CLU: variants seen among roughly 807,000 people sequenced by gnomAD.
The protein encoded by CLU is aging-associated protein 4.
In CLU, 25 loss-of-function variants were observed where a neutral mutation model predicts 46.4. The ratio of observed to expected loss-of-function variants is 0.54; its 90% CI spans 0.39 to 0.75. CLU has a LOEUF of 0.75. Ranked by LOEUF, CLU falls within the 30% of genes least tolerant of loss-of-function variation. CLU has a pLI of 0.00. For synonymous variants in CLU, 235 were observed against 235.1 expected (o/e 1.00, Z 0.00); for missense variants, 504 against 592.1 (o/e 0.85, Z 1.54).
Position 27,610,510 on chromosome 8 carries a change from A to C in CLU, c.62T>G (p.Leu21Arg), listed in dbSNP as rs748503484. 8.1e-6 allele frequency: 13 copies of C among 1,614,216 alleles called. No individual in the cohort carries two copies. The highest frequency in any genetic ancestry group is 1.1e-5 in the Non-Finnish European group (13 of 1,180,002). Reference sequence around the variant, plus strand: ...ATTGTCTGAGACCGTCTGGTCCCCCAGGACCTGCCCACTCTCCCAGGTCAG... The same window carrying C: ...ATTGTCTGAGACCGTCTGGTCCCCCCGGACCTGCCCACTCTCCCAGGTCAG... ...LLLTWESGQV[L>R]GDQTVSDNEL... Residue 21 changes from leucine (L) to arginine (R), a missense_variant, in exon 2 of 9, where the codon CTG becomes CGG. Coordinates refer to ENST00000316403, the MANE Select transcript of CLU (RefSeq NM_001831.4).
intron 6 of CLU, among the ~76,000 whole-genome samples, chr8:27,603,078 C>A (rs746961097): frequency 1.3e-5 from 2 of 152,150 alleles, no homozygotes; most frequent in African/African-American, 2.4e-5. Flanking sequence ...GCTGCACTCT[C>A]AACTGTAATC....
Position 27,597,766 on chromosome 8 carries a change from C to T in CLU, c.*475G>A. On this transcript the variant is annotated 3_prime_UTR_variant, in exon 9 of 9. Transcript: ENST00000316403. ...ATATATTTTAGTTGGCTTGTTGAAA[C>T]ACATCTCTCTTCCTGAAAGCAAGCA... 1 of 455,854 alleles carries T rather than the reference C, an allele frequency of 2.2e-6. No individual in the cohort carries two copies. The highest frequency in any genetic ancestry group is 4.4e-6 in the Non-Finnish European group (1 of 228,104). 28.2% of individuals were successfully genotyped at this position (455,854 alleles called of 1,614,324 possible). A position where few individuals can be genotyped will look rare whatever the true frequency, so the allele number is the denominator to read the frequency against.
rs1563383199 is a variant in CLU at position 27,599,060 on chromosome 8, T to TA, written c.1165-426_1165-425insT. On this transcript the variant is annotated intron_variant, in intron 7 of 8. Transcript: ENST00000316403. The surrounding 1 kb of genome is among the most constrained non-coding windows in gnomAD (Gnocchi z 4.0). ...ATTTTATTATTTTATATATATATAT[T>TA]TTTTAAGAGACAGAGTCTCACTCTG... 3.5e-4 allele frequency: 54 copies of TA among 152,446 alleles called. No individual in the cohort carries two copies. Among genetic ancestry groups the TA allele is most frequent in the African/African-American group, 1.3e-3 (52 of 41,480 alleles). The allele number at this position is 152,446 out of a possible 1,614,324, so 9.4% of individuals were successfully genotyped here. A position where few individuals can be genotyped will look rare whatever the true frequency, so the allele number is the denominator to read the frequency against.
intron 5 of CLU, 39 bp from the exon 6 acceptor site, chr8:27,604,434 C>T: frequency 6.7e-7 from 1 of 1,499,574 alleles, no homozygotes; most frequent in South Asian, 1.1e-5. Flanking sequence ...GTCATCCAGC[C>T]ATGCAGAGAT....
intron 6 of CLU, among the ~76,000 whole-genome samples, chr8:27,603,834 G>C (rs977799918): frequency 5.9e-5 from 9 of 152,190 alleles, no homozygotes; most frequent in African/African-American, 2.2e-4. Flanking sequence ...CTGAGGAAAT[G>C]AGGAAATGTA....
At position 27,597,552 on chromosome 8, in the gene CLU, A is replaced by G. The variant is rs1391382556; in HGVS notation, c.*689T>C. 2.2e-6 allele frequency: 1 copy of G among 454,146 alleles called. No individual in the cohort carries two copies. Among genetic ancestry groups the G allele is most frequent in the South Asian group, 1.6e-5 (1 of 64,480 alleles). The allele number at this position is 454,146 out of a possible 1,614,324, so 28.1% of individuals were successfully genotyped here. ...AATAGCTCTTACAAATAAAACTGAT[A>G]ATTTGGACTTCTGGGCACCAAATGT... is the stretch of plus-strand genomic sequence containing the variant. On this transcript the variant is annotated 3_prime_UTR_variant, in exon 9 of 9. Coordinates refer to ENST00000316403, the MANE Select transcript of CLU (RefSeq NM_001831.4).
At chr8:27,604,061 C>T (rs1016052216) in intron 6 of CLU, among the ~76,000 whole-genome samples, 3 of 152,182 alleles carry the variant, frequency 2.0e-5, no homozygotes, top group Admixed American at 1.3e-4. Flanking sequence ...GCATCTCTAA[C>T]GACATCTCAC....
In CLU at chr8:27,604,271, T is replaced by A. The variant is rs770620635; in HGVS notation, c.934+20A>T. ...ACAAGGGATCAGGGGGGACGGCTTG[T>A]GGTCTGGACCCCGACTCACCCACAG... On this transcript the variant is annotated intron_variant, in intron 6 of 8. Transcript: ENST00000316403. The A allele has an allele frequency of 1.2e-6, 2 of 1,601,490 alleles. No homozygotes were observed. Among genetic ancestry groups the A allele is most frequent in the Non-Finnish European group, 8.6e-7 (1 of 1,168,994 alleles).
intron 1 of CLU, chr8:27,614,143 A>G (rs1800972557): frequency 6.6e-6 from 1 of 152,368 alleles, no homozygotes; most frequent in African/African-American, 2.4e-5. Context: ...TGGTTGCAGC[A>G]TATACTGAAA....
At chr8:27,601,612 A>G (rs957872082) in intron 6 of CLU, among the ~76,000 whole-genome samples, 1 of 152,230 alleles carries the variant, frequency 6.6e-6, no homozygotes, top group East Asian at 1.9e-4. Flanking sequence ...AGGTATTTCA[A>G]AAATATCCAG....
At chr8:27,603,871 C>T (rs1291458452) in intron 6 of CLU, among the ~76,000 whole-genome samples, 2 of 152,160 alleles carry the variant, frequency 1.3e-5, no homozygotes, top group Non-Finnish European at 2.9e-5. Context: ...CAGTGCCTGG[C>T]CTCTGGTCAG....
At chr8:27,613,776 T>C (rs942521492) in intron 1 of CLU, 11 of 152,256 alleles carry the variant, frequency 7.2e-5, no homozygotes, top group African/African-American at 2.7e-4. Context: ...CCATTTCAGT[T>C]GTGCCCAATG....
chr8:27,600,347 A>G (rs963386890), intron 6 of CLU, among the ~76,000 whole-genome samples: 12 of 151,478 alleles, frequency 7.9e-5, no homozygotes, highest in African/African-American at 2.9e-4. Flanking sequence ...CTGTCCTCCA[A>G]CCTCAGCCTC....
In CLU at chr8:27,598,257, T is replaced by TA. The variant is rs772456164; in HGVS notation, c.1341-8dup. ...ATCCACATCTCACTCCTCCCTGAAA[T>TA]AAAAAACAGTTATCCTCCAAAGTAA... On this transcript the variant is annotated splice_region_variant and splice_polypyrimidine_tract_variant and intron_variant, in intron 8 of 8. Coordinates refer to ENST00000316403, the MANE Select transcript of CLU (RefSeq NM_001831.4). The TA allele has an allele frequency of 3.5e-5, 56 of 1,613,778 alleles. No homozygotes were observed. The highest frequency in any genetic ancestry group is 4.6e-5 in the Non-Finnish European group (54 of 1,179,846).
In CLU at chr8:27,607,339, AAAAACAAAAC is replaced by A. The variant is rs6150518; in HGVS notation, c.247-825_247-816del. Reference sequence around the variant, plus strand: ...GTGACAGAGCAAGACTCTGTCTCAAAAAAACAAAACAAAACAAAACAAAACAAAACAAAGA... The same window carrying A: ...GTGACAGAGCAAGACTCTGTCTCAAAAAAACAAAACAAAACAAAACAAAGA... On this transcript the variant is annotated intron_variant, in intron 3 of 8. Coordinates refer to ENST00000316403, the MANE Select transcript of CLU (RefSeq NM_001831.4). 3.7e-4 allele frequency among the ~76,000 whole-genome samples: 55 copies of A among 148,816 alleles called. No homozygotes were observed. In the East Asian group the frequency reaches 6.8e-3, roughly 19 times the overall value.
chr8:27,598,819 T>A (rs1800664472), intron 7 of CLU, 184 bp from the exon 8 acceptor site: 3 of 631,006 alleles, frequency 4.8e-6, no homozygotes, highest in Admixed American at 2.5e-5. Context: ...ACGGACCTGG[T>A]TCACAGACAC....
At position 27,597,873 on chromosome 8, in the gene CLU, A is replaced by T; in HGVS notation, c.*368T>A. ...TCTTCACTGGTATGACAGTCCCTAT[A>T]CCATCTTAGCCACTGCTTTTTTGTT... On this transcript the variant is annotated 3_prime_UTR_variant, in exon 9 of 9. Coordinates refer to ENST00000316403, the MANE Select transcript of CLU (RefSeq NM_001831.4). 2.0e-6 allele frequency: 1 copy of T among 506,090 alleles called. No individual in the cohort carries two copies. The highest frequency in any genetic ancestry group is 3.8e-6 in the Non-Finnish European group (1 of 261,962). The allele number at this position is 506,090 out of a possible 1,614,324, so 31.3% of individuals were successfully genotyped here.
Position 27,605,222 on chromosome 8 carries a change from C to T in CLU, c.531G>A (p.Gln177=), listed in dbSNP as rs1344926243. Residue 177 remains glutamine (Q), a synonymous_variant, in exon 5 of 9, where the codon CAG becomes CAA. Coordinates refer to ENST00000316403, the MANE Select transcript of CLU (RefSeq NM_001831.4). ...TGCTGGACGCGCGGCTGAAGTGGTCCTGCATGACATCCAGCATGTGCGTCT... is the reference window on the plus strand; with the variant it reads ...TGCTGGACGCGCGGCTGAAGTGGTCTTGCATGACATCCAGCATGTGCGTCT... The part of the protein sequence containing the change: ...RQQTHMLDVM[Q]DHFSRASSII... 2 of 1,614,116 alleles carry T rather than the reference C, an allele frequency of 1.2e-6. No individual in the cohort carries two copies. Among genetic ancestry groups the T allele is most frequent in the Non-Finnish European group, 1.7e-6 (2 of 1,180,046 alleles).
At chr8:27,604,809 A>G (rs183082179) in intron 5 of CLU, 115 bp downstream of exon 5, 2 of 1,238,318 alleles carry the variant, frequency 1.6e-6, no homozygotes, top group African/African-American at 3.0e-5. Flanking sequence ...TAAGGATAAT[A>G]TCACCCTTGT....
Sources: gnomAD v4.1 joint callset for allele counts (sites outside exome capture counted in the v4.1 genomes callset) on GRCh38, gnomAD v4.1.1 for gene constraint, Gnocchi (gnomAD v3.1) non-coding constraint, MANE v1.5 for transcripts, NCBI Gene and HGNC (gene_info 2026-07-23, HGNC 2026-07-21) for gene names.